The following DUSP14 variants were observed in gnomAD, a reference collection of about 807,000 sequenced individuals.
The protein encoded by DUSP14 is dual specificity phosphatase 14.
Under a neutral mutation model 13.2 loss-of-function variants are expected in DUSP14, and 5 were observed. That is an observed-to-expected ratio of 0.38 (90% CI 0.20 to 0.80). DUSP14 has a LOEUF of 0.80. Among genes scored for constraint, DUSP14 ranks in the 30% least tolerant of loss-of-function variants. The pLI is 0.44. For synonymous variants in DUSP14, 91 were observed against 103.4 expected, an observed-to-expected ratio of 0.88 and a Z score of 0.73; for missense variants, 185 against 264.0, an observed-to-expected ratio of 0.70 and a Z score of 2.07.
At chr17:37,492,867 T>C (rs1163386748) in intron 1 of DUSP14, among the ~76,000 whole-genome samples, 2 of 152,148 alleles carry the variant, frequency 1.3e-5, no homozygotes, top group Non-Finnish European at 2.9e-5. Context: ...ATCATTTCCT[T>C]CTTTTCTATA....
chr17:37,507,819 G>C (rs1266326984), intron 1 of DUSP14, among the ~76,000 whole-genome samples: 1 of 152,046 alleles, frequency 6.6e-6, no homozygotes, highest in Admixed American at 6.6e-5. Context: ...CCACAATGAG[G>C]AGCGTCATCC....
chr17:37,500,084 C>G (rs565441743), intron 1 of DUSP14, among the ~76,000 whole-genome samples: 1 of 152,234 alleles, frequency 6.6e-6, no homozygotes, highest in Admixed American at 6.5e-5. Flanking sequence ...CCAGTTGCCT[C>G]CATCCCGCTG....
At chr17:37,509,279 A>AG (rs1241585095) in intron 1 of DUSP14, among the ~76,000 whole-genome samples, 94 of 43,558 alleles carry the variant, frequency 2.2e-3, no homozygotes, top group East Asian at 3.5e-3. Context: ...ATATATATAT[A>AG]TATATATATA....
Position 37,513,048 on chromosome 17 carries a change from A to G in DUSP14, c.*179A>G. Reference sequence around the variant, plus strand: ...GGGAGGGGACATAAAGGGAATGCATACATTGCTAGTCACATTTTTAAAATT... The same window carrying G: ...GGGAGGGGACATAAAGGGAATGCATGCATTGCTAGTCACATTTTTAAAATT... On this transcript the variant is annotated 3_prime_UTR_variant, in exon 3 of 3. Transcript: ENST00000617516. The G allele has an allele frequency of 1.7e-6, 1 of 581,326 alleles. No homozygotes were observed. The highest frequency in any genetic ancestry group is 3.1e-6 in the Non-Finnish European group (1 of 321,952). 36.0% of individuals were successfully genotyped at this position (581,326 alleles called of 1,614,324 possible).
intron 1 of DUSP14, among the ~76,000 whole-genome samples, chr17:37,499,220 C>T (rs899583898): frequency 2.0e-5 from 3 of 152,190 alleles, no homozygotes; most frequent in African/African-American, 7.2e-5. Context: ...GGGGAAACCG[C>T]CCCCACCTGG....
intron 1 of DUSP14, among the ~76,000 whole-genome samples, chr17:37,505,635 CTT>C (rs35707292): frequency 0.014 from 1,657 of 120,930 alleles, 28 homozygotes; most frequent in African/African-American, 0.041. Flanking sequence ...TGGTTGTCAT[CTT>C]TTTTTTTTTT....
rs534112924 is a variant in DUSP14, at chr17:37,502,705, G to A, written c.-180-7972G>A. ...GTATCAGCTGGGACTCAGTTGGGAT[G>A]TTAGCTAAACACCCATGGCCTCTCC... On this transcript the variant is annotated intron_variant, in intron 1 of 2. Coordinates refer to ENST00000617516, the MANE Select transcript of DUSP14 (RefSeq NM_007026.4). Among the ~76,000 whole-genome samples, 5 of 152,164 alleles carry A rather than the reference G, an allele frequency of 3.3e-5. No homozygotes were observed. The East Asian group carries it at 9.7e-4, about 29-fold the overall frequency.
chr17:37,509,198 T>C, intron 1 of DUSP14, among the ~76,000 whole-genome samples: 1 of 123,180 alleles, frequency 8.1e-6, no homozygotes, highest in Non-Finnish European at 1.7e-5. Flanking sequence ...TGTATATGTG[T>C]ACTATATATG....
intron 1 of DUSP14, among the ~76,000 whole-genome samples, chr17:37,503,294 G>A (rs565417687): frequency 3.3e-5 from 5 of 152,286 alleles, no homozygotes; most frequent in South Asian, 2.1e-4. Flanking sequence ...CCATGGTGGC[G>A]CACACCTGTG....
chr17:37,498,314 C>CTTTTTTTTTTTTTTTT lies in DUSP14; in HGVS notation c.-181+8371_-181+8386dup, dbSNP rs765033929. On this transcript the variant is annotated intron_variant, in intron 1 of 2. Transcript: ENST00000617516. Reference sequence around the variant, plus strand: ...ACTTGTTTTGTGTACTAGATTGTATCTTTTTTTTTTTTTTTTTTTTTTTTT... The same window carrying CTTTTTTTTTTTTTTTT: ...ACTTGTTTTGTGTACTAGATTGTATCTTTTTTTTTTTTTTTTTTTTTTTTTTTTTTTTTTTTTTTTT... Among the ~76,000 whole-genome samples the CTTTTTTTTTTTTTTTT allele has an allele frequency of 5.7e-5, 4 of 70,558 alleles. 1 individual carries two copies. Among genetic ancestry groups the CTTTTTTTTTTTTTTTT allele is most frequent in the African/African-American group, 2.4e-4 (4 of 16,928 alleles). The allele number at this position is 70,558 out of a possible 152,430, so 46.3% of individuals were successfully genotyped here.
chr17:37,497,073 T>G (rs1568200174), intron 1 of DUSP14, among the ~76,000 whole-genome samples: 1 of 152,084 alleles, frequency 6.6e-6, no homozygotes, highest in Non-Finnish European at 1.5e-5. Flanking sequence ...TCTCTTCCCT[T>G]CCCACTGAGA....
intron 1 of DUSP14, among the ~76,000 whole-genome samples, chr17:37,499,340 T>C (rs575230644): frequency 6.6e-6 from 1 of 152,122 alleles, no homozygotes; most frequent in Non-Finnish European, 1.5e-5. Context: ...TTTTATTTTT[T>C]AAATTTTTTT....
At chr17:37,511,928 C>T (rs1401224496) in intron 2 of DUSP14, among the ~76,000 whole-genome samples, 4 of 50,924 alleles carry the variant, frequency 7.9e-5, no homozygotes, top group Admixed American at 2.9e-4. Context: ...GCCACCCCCC[C>T]CCCACCCCAC....
chr17:37,490,112 T>G (rs1403793885), intron 1 of DUSP14, among the ~76,000 whole-genome samples, 154 bp downstream of exon 1: 2 of 151,254 alleles, frequency 1.3e-5, no homozygotes, highest in Admixed American at 6.6e-5. Context: ...CGCCCCCACC[T>G]GCTCCCTGGC....
chr17:37,489,189 T>C (rs2054008069), upstream of DUSP14, among the ~76,000 whole-genome samples: 1 of 152,150 alleles, frequency 6.6e-6, no homozygotes, highest in Non-Finnish European at 1.5e-5. Context: ...AATGCCCGTG[T>C]CCCGCCTGCG....
intron 1 of DUSP14, among the ~76,000 whole-genome samples, chr17:37,502,973 C>T (rs1046194145): frequency 6.6e-6 from 1 of 152,148 alleles, no homozygotes; most frequent in Admixed American, 6.5e-5. Flanking sequence ...TGAGCTGAAG[C>T]GGTCGTCCTG....
chr17:37,512,870 T>G lies in DUSP14; in HGVS notation c.*1T>G. On this transcript the variant is annotated 3_prime_UTR_variant, in exon 3 of 3. Coordinates refer to ENST00000617516, the MANE Select transcript of DUSP14 (RefSeq NM_007026.4). The surrounding 1 kb of genome is among the most constrained non-coding windows in gnomAD (Gnocchi z 4.8). ...CCTGATGCCTTACTGGGGGATTTAG[T>G]GCCACTGAAGCCTGCGTCAGCAGCC... 1 of 1,597,198 alleles carries G rather than the reference T, an allele frequency of 6.3e-7. No individual in the cohort carries two copies. The highest frequency in any genetic ancestry group is 1.1e-5 in the South Asian group (1 of 90,712).
chr17:37,500,356 G>T (rs1461864943), intron 1 of DUSP14, among the ~76,000 whole-genome samples: 3 of 152,188 alleles, frequency 2.0e-5, no homozygotes, highest in Non-Finnish European at 4.4e-5. Context: ...ATGATCAAAG[G>T]GTGATTATTA....
At chr17:37,490,467 G>C (rs1470644863) in intron 1 of DUSP14, among the ~76,000 whole-genome samples, 1 of 152,224 alleles carries the variant, frequency 6.6e-6, no homozygotes, top group African/African-American at 2.4e-5. Flanking sequence ...AGATGGGTGT[G>C]CGCGGTGCTA....
Sources: allele counts gnomAD v4.1 joint callset (sites outside exome capture counted in the v4.1 genomes callset), GRCh38; gene constraint gnomAD v4.1.1; non-coding constraint Gnocchi (gnomAD v3.1); transcripts MANE v1.5; gene names NCBI Gene and HGNC (gene_info 2026-07-23, HGNC 2026-07-21).